Variants in NCALD observed in about 807,000 individuals in gnomAD.
NCALD encodes the protein neurocalcin-delta.
In NCALD, 10 loss-of-function variants were observed where a neutral mutation model predicts 18.6. The ratio of observed to expected loss-of-function variants is 0.54; its 90% confidence interval spans 0.33 to 0.91. The LOEUF (loss-of-function observed/expected upper bound fraction) is 0.91. Among genes scored for constraint, NCALD ranks in the 40% least tolerant of loss-of-function variants. The pLI, the probability that NCALD is intolerant of heterozygous loss-of-function variation, is 0.03. For missense variants in NCALD, 184 were observed against 247.6 expected (o/e 0.74, Z 1.72); for synonymous variants, 88 against 87.4 (o/e 1.01, Z -0.04).
intron 1 of NCALD, among the ~76,000 whole-genome samples, chr8:101,760,811 T>C (rs1191645285): frequency 1.3e-5 from 2 of 152,148 alleles, no homozygotes; most frequent in Non-Finnish European, 2.9e-5. Flanking sequence ...CAGCACCCCT[T>C]ATACTCTTGT....
chr8:102,089,222 A>G (rs1283191263), intron 1 of NCALD, among the ~76,000 whole-genome samples: 1 of 152,084 alleles, frequency 6.6e-6, no homozygotes, highest in Non-Finnish European at 1.5e-5. Context: ...GTGAAACCCC[A>G]TCTCTACTAA....
intron 3 of NCALD, among the ~76,000 whole-genome samples, chr8:101,894,351 A>G (rs529681034): frequency 7.8e-5 from 10 of 128,524 alleles, no homozygotes; most frequent in South Asian, 2.8e-4. Flanking sequence ...TCTCTGGGAC[A>G]CATTCAAAGC....
intron 3 of NCALD, among the ~76,000 whole-genome samples, chr8:101,892,677 T>C (rs999867106): frequency 3.3e-4 from 49 of 150,524 alleles, no homozygotes; most frequent in African/African-American, 1.1e-3. Context: ...AAGGAGCTGA[T>C]GAAGCTGAAA....
intron 2 of NCALD, among the ~76,000 whole-genome samples, chr8:101,704,585 G>T (rs1217427610): frequency 6.6e-6 from 1 of 152,166 alleles, no homozygotes; most frequent in Non-Finnish European, 1.5e-5. Flanking sequence ...AGTCACAAAG[G>T]CTGTTGTATG....
At chr8:101,876,238 T>C (rs965807265) in intron 4 of NCALD, among the ~76,000 whole-genome samples, 3 of 152,180 alleles carry the variant, frequency 2.0e-5, no homozygotes, top group Non-Finnish European at 2.9e-5. Context: ...TTCTCAGACA[T>C]CAACTCATTC....
At chr8:101,717,520 T>A (rs1471181326) in intron 2 of NCALD, among the ~76,000 whole-genome samples, 2 of 152,234 alleles carry the variant, frequency 1.3e-5, no homozygotes. Flanking sequence ...CAGGTGTTAC[T>A]CATATTAACA....
At chr8:101,806,731 T>C (rs1303222298) in intron 4 of NCALD, among the ~76,000 whole-genome samples, 1 of 152,142 alleles carries the variant, frequency 6.6e-6, no homozygotes, top group African/African-American at 2.4e-5. Flanking sequence ...TGGACATCAA[T>C]ATGTGTATAA....
chr8:102,117,749 G>T (rs1264386695), intron 1 of NCALD, among the ~76,000 whole-genome samples: 1 of 152,148 alleles, frequency 6.6e-6, no homozygotes, highest in Non-Finnish European at 1.5e-5. Context: ...AAATATGCCT[G>T]CAAAGTACAT....
At chr8:101,872,850 G>A (rs1335044178) in intron 4 of NCALD, among the ~76,000 whole-genome samples, 1 of 152,180 alleles carries the variant, frequency 6.6e-6, no homozygotes, top group Non-Finnish European at 1.5e-5. Context: ...GAAGTGTATT[G>A]AAGAATATCA....
chr8:101,747,089 C>T (rs1304794528), intron 1 of NCALD, among the ~76,000 whole-genome samples: 2 of 152,166 alleles, frequency 1.3e-5, no homozygotes, highest in Non-Finnish European at 2.9e-5. Context: ...AGTTTAGACA[C>T]CTCTGCTTTG....
chr8:101,885,470 C>T (rs1816642598), intron 4 of NCALD, among the ~76,000 whole-genome samples: 1 of 152,192 alleles, frequency 6.6e-6, no homozygotes, highest in Admixed American at 6.5e-5. Flanking sequence ...ATCCTCTTCC[C>T]TGCCTTGCCC....
At chr8:101,762,650 C>T (rs1811163566) in intron 1 of NCALD, among the ~76,000 whole-genome samples, 1 of 151,046 alleles carries the variant, frequency 6.6e-6, no homozygotes, top group African/African-American at 2.4e-5. Context: ...TATCGACTCA[C>T]TGCAACCTCC....
intron 1 of NCALD, among the ~76,000 whole-genome samples, chr8:102,062,278 G>C (rs1364004466): frequency 1.3e-5 from 2 of 152,240 alleles, no homozygotes; most frequent in African/African-American, 4.8e-5. Context: ...GCTCCAGCCT[G>C]TGTGACAGAG....
At chr8:102,103,611 G>A (rs573528421) in intron 1 of NCALD, among the ~76,000 whole-genome samples, 15 of 152,116 alleles carry the variant, frequency 9.9e-5, no homozygotes, top group African/African-American at 3.4e-4. Context: ...CTGGAGGGTG[G>A]TGGTGCAGTC....
intron 1 of NCALD, among the ~76,000 whole-genome samples, chr8:102,061,426 G>A (rs566254288): frequency 1.3e-5 from 2 of 152,234 alleles, no homozygotes; most frequent in African/African-American, 4.8e-5. Flanking sequence ...CTGCATTCCA[G>A]AGTGCAACAG....
intron 2 of NCALD, among the ~76,000 whole-genome samples, chr8:101,945,639 G>A (rs1406570233): frequency 2.0e-5 from 3 of 152,154 alleles, no homozygotes; most frequent in Non-Finnish European, 4.4e-5. Context: ...CTGGCACTGC[G>A]AACCCATGTC....
At chr8:101,805,068 A>G (rs72676134) in intron 4 of NCALD, among the ~76,000 whole-genome samples, 2,478 of 152,306 alleles carry the variant, frequency 0.016, 47 homozygotes, top group Non-Finnish European at 0.023. Flanking sequence ...CAATGACTTA[A>G]GTATAACTTG....
rs1359096389 is a variant in NCALD, at chr8:101,911,522, G to A, written c.-107+4287C>T. On this transcript the variant is annotated intron_variant, in intron 3 of 6. Transcript: ENST00000311028. ...GCAGGCAGACACCACCATGCCCGGC[G>A]AATTTTTGTATTTTCAGTAGAGATG... Among the ~76,000 whole-genome samples, 6 of 151,386 alleles carry A rather than the reference G, an allele frequency of 4.0e-5. No individual in the cohort carries two copies. In the South Asian group the frequency reaches 6.3e-4, roughly 16 times the overall value.
intron 1 of NCALD, among the ~76,000 whole-genome samples, chr8:102,025,758 A>G (rs12542663): frequency 0.055 from 8,320 of 152,306 alleles, 353 homozygotes; most frequent in Admixed American, 0.098. Context: ...AAAGGTGTGC[A>G]GAGGAGGAAC....
Sources: allele counts gnomAD v4.1 joint callset (sites outside exome capture counted in the v4.1 genomes callset), GRCh38; gene constraint gnomAD v4.1.1; transcripts MANE v1.5; gene names NCBI Gene and HGNC (gene_info 2026-07-23, HGNC 2026-07-21).